SLC35E2B: variants seen among roughly 807,000 people sequenced by gnomAD.
The protein encoded by SLC35E2B is solute carrier family 35, member E2B.
SLC35E2B carries 18 observed loss-of-function variants against 32.4 expected under a neutral mutation model. That is an observed-to-expected ratio of 0.56 (90% CI 0.38 to 0.82). The LOEUF is 0.82. SLC35E2B is among the 40% of genes least tolerant of loss of function. The pLI, the probability that SLC35E2B is intolerant of heterozygous loss-of-function variation, is 0.00. For synonymous variants in SLC35E2B, 132 were observed against 209.1 expected, an observed-to-expected ratio of 0.63 and a Z score of 3.18; for missense variants, 263 against 469.5, an observed-to-expected ratio of 0.56 and a Z score of 4.06.
chr1:1,686,249 G>A (rs1372712699), intron 2 of SLC35E2B, among the ~76,000 whole-genome samples: 2 of 151,140 alleles, frequency 1.3e-5, no homozygotes, highest in East Asian at 2.0e-4. Flanking sequence ...TGATCTGCCT[G>A]CCTCGGCCTC....
chr1:1,667,557 G>A (rs1323202813), intron 9 of SLC35E2B, among the ~76,000 whole-genome samples: 1 of 152,168 alleles, frequency 6.6e-6, no homozygotes, highest in Admixed American at 6.5e-5. Flanking sequence ...AGTGGCCACA[G>A]GTGTCTGTTC....
At chr1:1,679,268 C>G (rs977605431) in intron 2 of SLC35E2B, among the ~76,000 whole-genome samples, 2 of 152,156 alleles carry the variant, frequency 1.3e-5, no homozygotes, top group African/African-American at 4.8e-5. Flanking sequence ...CGAGGCAAAC[C>G]TGGAATTCAA....
intron 5 of SLC35E2B, 63 bp downstream of exon 5, chr1:1,675,400 C>T: frequency 6.4e-7 from 1 of 1,566,378 alleles, no homozygotes; most frequent in Non-Finnish European, 8.7e-7. Flanking sequence ...CAGAGACGGG[C>T]ACCACGGATG....
intron 5 of SLC35E2B, among the ~76,000 whole-genome samples, 178 bp from the exon 6 acceptor site, chr1:1,671,807 A>ATT (rs1199597482): frequency 6.6e-6 from 1 of 152,202 alleles, no homozygotes; most frequent in Non-Finnish European, 1.5e-5. Context: ...GTGTCTGCAA[A>ATT]TAAGTCCCGT....
chr1:1,687,307 T>C (rs1273167536), intron 2 of SLC35E2B, among the ~76,000 whole-genome samples: 1 of 151,794 alleles, frequency 6.6e-6, no homozygotes, highest in Non-Finnish European at 1.5e-5. Context: ...CTGGGCGCAA[T>C]GGCTCACGCC....
intron 8 of SLC35E2B, 102 bp from the exon 9 acceptor site, chr1:1,668,574 G>C (rs1412560615): frequency 4.4e-6 from 7 of 1,604,944 alleles, no homozygotes; most frequent in Non-Finnish European, 6.0e-6. Context: ...ACTGGGTAAA[G>C]CTGCTGCCAC....
intron 2 of SLC35E2B, among the ~76,000 whole-genome samples, chr1:1,682,955 T>G (rs1156856639): frequency 6.6e-6 from 1 of 151,952 alleles, no homozygotes; most frequent in Admixed American, 6.6e-5. Context: ...TGGGCACCTG[T>G]AATCCCACCT....
At chr1:1,688,908 A>G (rs1022877433) in intron 2 of SLC35E2B, among the ~76,000 whole-genome samples, 3 of 151,760 alleles carry the variant, frequency 2.0e-5, no homozygotes, top group African/African-American at 7.3e-5. Context: ...GCGGTGGCTC[A>G]AGCCTGTAAT....
At chr1:1,684,119 G>A (rs1043188040) in intron 2 of SLC35E2B, among the ~76,000 whole-genome samples, 5 of 152,234 alleles carry the variant, frequency 3.3e-5, no homozygotes, top group Admixed American at 6.5e-5. Context: ...CTCAGCAGTC[G>A]TGAGACGCTT....
intron 8 of SLC35E2B, 32 bp downstream of exon 8, chr1:1,669,632 G>GT: frequency 6.7e-7 from 1 of 1,501,556 alleles, no homozygotes; most frequent in South Asian, 1.2e-5. Context: ...AGCCCGGCAA[G>GT]TAAGGACGGG....
chr1:1,691,308 A>C lies in SLC35E2B; in HGVS notation c.-480T>G, dbSNP rs1454223005. 1 of 150,258 alleles carries C rather than the reference A, an allele frequency of 6.7e-6. No individual in the cohort carries two copies. The highest frequency in any genetic ancestry group is 2.5e-5 in the African/African-American group (1 of 40,600). 9.3% of individuals were successfully genotyped at this position (150,258 alleles called of 1,614,324 possible). A position where few individuals can be genotyped will look rare whatever the true frequency, so the allele number is the denominator to read the frequency against. On this transcript the variant is annotated 5_prime_UTR_variant, in exon 2 of 10. Coordinates refer to ENST00000617444, the MANE Select transcript of SLC35E2B (RefSeq NM_001290264.2). Reference sequence around the variant, plus strand: ...AGTGGGAGAGAGCAGCCAGGACAGGAGCCCAGACCTTTCTGAACCTCATCT... The same window carrying C: ...AGTGGGAGAGAGCAGCCAGGACAGGCGCCCAGACCTTTCTGAACCTCATCT...
intron 8 of SLC35E2B, 93 bp from the exon 9 acceptor site, chr1:1,668,565 C>A: frequency 6.2e-7 from 1 of 1,607,558 alleles, no homozygotes. Flanking sequence ...TGCCCAGAAA[C>A]TGGGTAAAGC....
chr1:1,683,930 T>TCTCA (rs1643922039), intron 2 of SLC35E2B, among the ~76,000 whole-genome samples: 1 of 152,158 alleles, frequency 6.6e-6, no homozygotes, highest in African/African-American at 2.4e-5. Context: ...GTCCTCCAGG[T>TCTCA]GCAGGTGCCT....
At chr1:1,689,288 A>C (rs1643992153) in intron 2 of SLC35E2B, among the ~76,000 whole-genome samples, 1 of 152,106 alleles carries the variant, frequency 6.6e-6, no homozygotes, top group African/African-American at 2.4e-5. Context: ...CCAGGCAAAA[A>C]GAAAAACTGG....
chr1:1,678,463 C>G (rs546022182), intron 2 of SLC35E2B, among the ~76,000 whole-genome samples: 2 of 152,052 alleles, frequency 1.3e-5, no homozygotes, highest in African/African-American at 4.8e-5. Flanking sequence ...TCCCCTCCCC[C>G]TGCTGTGTGT....
rs542488334 is a variant in SLC35E2B at position 1,682,883 on chromosome 1, T to G, written c.-147-6037A>C. On this transcript the variant is annotated intron_variant, in intron 2 of 9. Coordinates refer to ENST00000617444, the MANE Select transcript of SLC35E2B (RefSeq NM_001290264.2). The stretch of plus-strand genomic sequence containing the variant: ...CTTGAGGTCAGGAGTTCGAGACCAA[T>G]CTGGCCAACAAGGTGAAACCCCGTC... 5.9e-5 allele frequency among the ~76,000 whole-genome samples: 9 copies of G among 151,986 alleles called. No individual in the cohort carries two copies. In the East Asian group the frequency reaches 1.7e-3, roughly 29 times the overall value.
chr1:1,681,214 T>G (rs988423396), intron 2 of SLC35E2B, among the ~76,000 whole-genome samples: 5 of 151,994 alleles, frequency 3.3e-5, no homozygotes, highest in African/African-American at 1.2e-4. Context: ...TTTCTTTTTT[T>G]CGAGATAGAG....
At chr1:1,680,385 C>T (rs1021502547) in intron 2 of SLC35E2B, among the ~76,000 whole-genome samples, 1 of 152,220 alleles carries the variant, frequency 6.6e-6, no homozygotes, top group Admixed American at 6.5e-5. Context: ...TGCAGCTGCG[C>T]TGGGACGCGG....
intron 9 of SLC35E2B, among the ~76,000 whole-genome samples, chr1:1,666,294 T>G (rs1357828251): frequency 6.6e-6 from 1 of 152,108 alleles, no homozygotes; most frequent in Non-Finnish European, 1.5e-5. Context: ...CCCTTCTTTT[T>G]TGAGGGGTAC....
Sources: gnomAD v4.1 joint callset for allele counts (sites outside exome capture counted in the v4.1 genomes callset) on GRCh38, gnomAD v4.1.1 for gene constraint, MANE v1.5 for transcripts, NCBI Gene and HGNC (gene_info 2026-07-23, HGNC 2026-07-21) for gene names.